The following GUCY1A2 variants were observed in gnomAD, a reference collection of about 807,000 sequenced individuals.
The protein encoded by GUCY1A2 is guanylate cyclase soluble subunit alpha-2.
GUCY1A2 carries 27 observed loss-of-function variants against 63.5 expected under a neutral mutation model. That is an observed-to-expected ratio of 0.43 (90% CI 0.31 to 0.59). The LOEUF is 0.59. Among genes scored for constraint, GUCY1A2 ranks in the 20% least tolerant of loss-of-function variants. GUCY1A2 has a pLI of 0.11. For missense variants in GUCY1A2, 768 were observed against 913.3 expected (o/e 0.84, Z 2.05); for synonymous variants, 364 against 343.5 (o/e 1.06, Z -0.66).
At chr11:106,880,341 G>A (rs1591312216) in intron 4 of GUCY1A2, among the ~76,000 whole-genome samples, 1 of 151,978 alleles carries the variant, frequency 6.6e-6, no homozygotes, top group South Asian at 2.1e-4. Context: ...TGGTTGCCAC[G>A]TGAAGGTTGC....
At chr11:106,934,517 G>A (rs1041539798) in intron 4 of GUCY1A2, among the ~76,000 whole-genome samples, 3 of 152,078 alleles carry the variant, frequency 2.0e-5, no homozygotes, top group African/African-American at 7.2e-5. Context: ...CATCGCCTCA[G>A]AAAAAGGTGG....
chr11:106,716,834 G>A (rs1236456635), intron 6 of GUCY1A2, among the ~76,000 whole-genome samples: 1 of 150,448 alleles, frequency 6.6e-6, no homozygotes, highest in Non-Finnish European at 1.5e-5. Flanking sequence ...GAGCTATAAG[G>A]AGAGATCCTC....
intron 6 of GUCY1A2, among the ~76,000 whole-genome samples, chr11:106,732,729 T>C (rs1293068324): frequency 6.6e-6 from 1 of 152,124 alleles, no homozygotes; most frequent in East Asian, 1.9e-4. Context: ...ACAGTTTTTC[T>C]CACTACAGAA....
chr11:106,741,342 G>A (rs966699108), intron 6 of GUCY1A2, among the ~76,000 whole-genome samples: 5 of 152,156 alleles, frequency 3.3e-5, no homozygotes, highest in Non-Finnish European at 5.9e-5. Flanking sequence ...ATAGTCACAT[G>A]TGGCTAGTGG....
intron 4 of GUCY1A2, among the ~76,000 whole-genome samples, chr11:106,879,109 A>C (rs971866879): frequency 6.7e-6 from 1 of 149,806 alleles, no homozygotes; most frequent in African/African-American, 2.5e-5. Flanking sequence ...ACACCAGAAC[A>C]GTCTTTTTTA....
chr11:106,810,506 A>C (rs1858749136), intron 4 of GUCY1A2, 28 bp from the exon 5 acceptor site: 2 of 1,546,296 alleles, frequency 1.3e-6, no homozygotes, highest in Non-Finnish European at 1.7e-6. Context: ...AATTTTGATC[A>C]GTACTCTTCA....
At chr11:106,691,566 G>T (rs1202144035) in intron 7 of GUCY1A2, among the ~76,000 whole-genome samples, 1 of 152,126 alleles carries the variant, frequency 6.6e-6, no homozygotes, top group African/African-American at 2.4e-5. Context: ...ATCTATGAAG[G>T]TACTTGTAAA....
chr11:106,754,435 G>A (rs144804115), intron 6 of GUCY1A2, among the ~76,000 whole-genome samples: 10,443 of 152,202 alleles, frequency 0.069, 655 homozygotes, highest in African/African-American at 0.17. Context: ...TCTTGTGCCA[G>A]TTTTCAAAGG....
At chr11:106,905,511 A>G (rs1485788952) in intron 4 of GUCY1A2, among the ~76,000 whole-genome samples, 1 of 152,092 alleles carries the variant, frequency 6.6e-6, no homozygotes, top group African/African-American at 2.4e-5. Context: ...ATACAGTTAC[A>G]TGAAGGGTAC....
At chr11:106,965,467 G>A (rs1191589637) in intron 3 of GUCY1A2, among the ~76,000 whole-genome samples, 1 of 152,174 alleles carries the variant, frequency 6.6e-6, no homozygotes, top group African/African-American at 2.4e-5. Flanking sequence ...GTATGTGTGT[G>A]TATATGGAGA....
intron 4 of GUCY1A2, among the ~76,000 whole-genome samples, chr11:106,909,958 T>C (rs1860270684): frequency 6.6e-6 from 1 of 152,026 alleles, no homozygotes; most frequent in African/African-American, 2.4e-5. Context: ...TTGGCATAAA[T>C]TCTTTGAAAA....
intron 6 of GUCY1A2, among the ~76,000 whole-genome samples, chr11:106,731,852 G>A (rs934118850): frequency 6.6e-6 from 1 of 152,052 alleles, no homozygotes; most frequent in Non-Finnish European, 1.5e-5. Context: ...GGAGGTAAAA[G>A]ATCTCTGCAA....
At chr11:106,779,292 C>CAAAG (rs1864417323) in intron 5 of GUCY1A2, among the ~76,000 whole-genome samples, 1 of 151,972 alleles carries the variant, frequency 6.6e-6, no homozygotes, top group Non-Finnish European at 1.5e-5. Context: ...AGTTTTATTC[C>CAAAG]AAAGACTAAA....
intron 6 of GUCY1A2, among the ~76,000 whole-genome samples, 165 bp from the exon 7 acceptor site, chr11:106,708,831 G>T (rs1284092134): frequency 2.6e-5 from 4 of 151,558 alleles, no homozygotes; most frequent in African/African-American, 7.3e-5. Context: ...CTAATAGCTG[G>T]ATCATTATAG....
chr11:106,868,618 A>G (rs1406078737), intron 4 of GUCY1A2, among the ~76,000 whole-genome samples: 1 of 152,192 alleles, frequency 6.6e-6, no homozygotes, highest in Non-Finnish European at 1.5e-5. Flanking sequence ...GACACAAACA[A>G]ATGGAAGAAC....
intron 1 of GUCY1A2, among the ~76,000 whole-genome samples, chr11:107,012,762 T>C (rs981347608): frequency 1.3e-5 from 2 of 152,244 alleles, no homozygotes; most frequent in Non-Finnish European, 2.9e-5. Flanking sequence ...AACTGAAATA[T>C]ACTTTATATA....
At chr11:106,895,679 A>G (rs576567174) in intron 4 of GUCY1A2, among the ~76,000 whole-genome samples, 63 of 152,202 alleles carry the variant, frequency 4.1e-4, no homozygotes, top group Non-Finnish European at 7.5e-4. Context: ...CTTTTTCTTT[A>G]TAAGTTACCC....
intron 4 of GUCY1A2, among the ~76,000 whole-genome samples, chr11:106,899,758 T>C (rs1178232032): frequency 2.6e-5 from 4 of 152,296 alleles, no homozygotes; most frequent in Middle Eastern, 3.4e-3. Context: ...AGGGCTTTCA[T>C]AGAGCCTCTG....
At chr11:106,760,301 A>G (rs1864043542) in intron 6 of GUCY1A2, among the ~76,000 whole-genome samples, 1 of 152,166 alleles carries the variant, frequency 6.6e-6, no homozygotes. Flanking sequence ...GGTAGAATAG[A>G]AAGTGGCAGA....
Sources: gnomAD v4.1 joint callset for allele counts (sites outside exome capture counted in the v4.1 genomes callset) on GRCh38, gnomAD v4.1.1 for gene constraint, MANE v1.5 for transcripts, NCBI Gene and HGNC (gene_info 2026-07-23, HGNC 2026-07-21) for gene names.